PDZD2: variants seen among roughly 807,000 people sequenced by gnomAD.
PDZD2 encodes PDZ domain containing 2, also known as PDZ domain-containing protein 2.
PDZD2 carries 90 observed loss-of-function variants against 220.7 expected under a neutral mutation model. That is an observed-to-expected ratio of 0.41 (90% CI 0.34 to 0.49). PDZD2 has a LOEUF of 0.49. PDZD2 is among the 20% of genes least tolerant of loss of function. PDZD2 has a pLI of 0.28. For synonymous variants in PDZD2, 1,375 were observed against 1,450.5 expected (o/e 0.95, Z 1.18); for missense variants, 3,174 against 3,608.5 (o/e 0.88, Z 3.08).
At chr5:31,767,166 G>A (rs554103057) in intron 1 of PDZD2, among the ~76,000 whole-genome samples, 1 of 151,598 alleles carries the variant, frequency 6.6e-6, no homozygotes, top group African/African-American at 2.4e-5. Flanking sequence ...CGAGTAGCTG[G>A]GATTACAGGT....
intron 1 of PDZD2, among the ~76,000 whole-genome samples, chr5:31,679,375 G>A (rs886810510): frequency 3.3e-5 from 5 of 152,252 alleles, no homozygotes; most frequent in African/African-American, 1.2e-4. Flanking sequence ...TAAAAAGTGG[G>A]TTGAAAGGCG....
intron 2 of PDZD2, among the ~76,000 whole-genome samples, chr5:31,886,222 A>G (rs1740458976): frequency 6.6e-6 from 1 of 152,204 alleles, no homozygotes; most frequent in South Asian, 2.1e-4. Flanking sequence ...TTTGAATAAC[A>G]CACTGAAAAA....
At chr5:31,935,595 T>TA (rs965113623) in intron 2 of PDZD2, among the ~76,000 whole-genome samples, 3 of 152,206 alleles carry the variant, frequency 2.0e-5, no homozygotes, top group Admixed American at 2.0e-4. Flanking sequence ...GACTTCTTTA[T>TA]AAAATAATTT....
chr5:31,955,310 TG>T (rs1747563579), intron 2 of PDZD2, among the ~76,000 whole-genome samples: 1 of 151,884 alleles, frequency 6.6e-6, no homozygotes, highest in Admixed American at 6.6e-5. Context: ...TGTTTTGTTT[TG>T]TTTTTTCGAG....
chr5:31,988,008 G>A (rs1375466760), intron 3 of PDZD2, among the ~76,000 whole-genome samples: 2 of 152,120 alleles, frequency 1.3e-5, no homozygotes, highest in Non-Finnish European at 2.9e-5. Context: ...TCAGGGCTAG[G>A]CTGCTTTCAT....
At chr5:31,975,256 A>C (rs973785985) in intron 2 of PDZD2, among the ~76,000 whole-genome samples, 5 of 152,220 alleles carry the variant, frequency 3.3e-5, no homozygotes, top group African/African-American at 1.2e-4. Flanking sequence ...TCATGGTAGA[A>C]GGCAAATGAG....
chr5:31,920,946 G>C (rs777714539), intron 2 of PDZD2, among the ~76,000 whole-genome samples: 2 of 152,152 alleles, frequency 1.3e-5, no homozygotes, highest in Non-Finnish European at 2.9e-5. Flanking sequence ...TTCCTTAGTA[G>C]CTCATTTCTT....
chr5:31,874,224 T>TA (rs1264112951), intron 2 of PDZD2, among the ~76,000 whole-genome samples: 1 of 152,182 alleles, frequency 6.6e-6, no homozygotes, highest in Non-Finnish European at 1.5e-5. Context: ...TAATCACTGC[T>TA]AAAAAATACC....
intron 1 of PDZD2, among the ~76,000 whole-genome samples, chr5:31,730,589 T>TGGG (rs1297138202): frequency 1.7e-5 from 2 of 118,266 alleles, no homozygotes; most frequent in African/African-American, 6.7e-5. Flanking sequence ...TGTGTGTGTG[T>TGGG]GTGGTGTGTG....
chr5:31,910,977 A>G (rs1191287292), intron 2 of PDZD2, among the ~76,000 whole-genome samples: 1 of 152,206 alleles, frequency 6.6e-6, no homozygotes, highest in South Asian at 2.1e-4. Flanking sequence ...TTAAGCATCT[A>G]AAATTCCCAT....
At chr5:31,821,421 G>A (rs906334113) in intron 2 of PDZD2, among the ~76,000 whole-genome samples, 14 of 150,518 alleles carry the variant, frequency 9.3e-5, no homozygotes, top group Non-Finnish European at 1.3e-4. Flanking sequence ...TCACTCTGTC[G>A]CAAGGCTGAA....
intron 1 of PDZD2, among the ~76,000 whole-genome samples, chr5:31,734,779 GC>G (rs1437811174): frequency 1.3e-5 from 2 of 152,136 alleles, no homozygotes; most frequent in Non-Finnish European, 2.9e-5. Context: ...CTGAAAACCA[GC>G]CCCCATCCTA....
At chr5:31,913,422 T>C (rs1018933606) in intron 2 of PDZD2, among the ~76,000 whole-genome samples, 2 of 152,076 alleles carry the variant, frequency 1.3e-5, no homozygotes, top group African/African-American at 4.8e-5. Context: ...ACTGAGGACT[T>C]CAGGCAAATT....
chr5:31,688,333 A>G (rs2150126572), intron 1 of PDZD2, among the ~76,000 whole-genome samples: 1 of 152,344 alleles, frequency 6.6e-6, no homozygotes. Flanking sequence ...TGGTGAGACT[A>G]ACCAAGTCCT....
intron 2 of PDZD2, among the ~76,000 whole-genome samples, chr5:31,919,660 A>G (rs1401980719): frequency 1.4e-5 from 2 of 146,944 alleles, no homozygotes; most frequent in Admixed American, 6.9e-5. Context: ...CTCTCTTAAG[A>G]CTTAATTTTT....
intron 2 of PDZD2, among the ~76,000 whole-genome samples, chr5:31,812,879 C>A (rs1201769477): frequency 6.6e-6 from 1 of 152,034 alleles, no homozygotes; most frequent in Non-Finnish European, 1.5e-5. Flanking sequence ...CTGCTCCTGG[C>A]CTAAAAATAC....
intron 2 of PDZD2, among the ~76,000 whole-genome samples, chr5:31,944,932 C>T (rs889391223): frequency 1.4e-4 from 21 of 152,216 alleles, no homozygotes; most frequent in African/African-American, 5.1e-4. Flanking sequence ...GGGCAGATTA[C>T]CATCTGATCC....
intron 1 of PDZD2, among the ~76,000 whole-genome samples, chr5:31,706,314 T>C (rs1289361398): frequency 6.6e-6 from 1 of 152,074 alleles, no homozygotes; most frequent in Non-Finnish European, 1.5e-5. Context: ...GACCTCAGTT[T>C]ACGAATAAGG....
chr5:31,759,458 C>T lies in PDZD2; in HGVS notation c.-360-39431C>T, dbSNP rs186009537. On this transcript the variant is annotated intron_variant, in intron 1 of 24. Transcript: ENST00000438447. ...CCATGGAACATTGTTAGGTGATTCT[C>T]CAAAAGTGGGAGGTGGGAATGGTTT... Among the ~76,000 whole-genome samples the T allele has an allele frequency of 3.7e-3, 559 of 152,146 alleles. 2 individuals carry two copies. The highest frequency in any genetic ancestry group is 6.8e-3 in the Admixed American group (104 of 15,266).
Sources: gnomAD v4.1 joint callset for allele counts (sites outside exome capture counted in the v4.1 genomes callset) on GRCh38, gnomAD v4.1.1 for gene constraint, MANE v1.5 for transcripts, NCBI Gene and HGNC (gene_info 2026-07-23, HGNC 2026-07-21) for gene names.